GALNT2: variants seen among roughly 807,000 people sequenced by gnomAD.
GALNT2 encodes polypeptide N-acetylgalactosaminyltransferase 2.
A neutral mutation model predicts 81.4 loss-of-function variants in GALNT2; 31 were observed. That is an observed-to-expected ratio of 0.38 (90% CI 0.29 to 0.51). The LOEUF (loss-of-function observed/expected upper bound fraction) is 0.51, where lower values mean the gene tolerates loss of function less well. Ranked by LOEUF, GALNT2 falls within the 20% of genes least tolerant of loss-of-function variation. GALNT2 has a pLI of 0.87. For missense variants in GALNT2, 629 were observed against 765.7 expected (o/e 0.82, Z 2.11); for synonymous variants, 303 against 287.4 (o/e 1.05, Z -0.55).
intron 1 of GALNT2, among the ~76,000 whole-genome samples, chr1:230,113,738 G>A (rs1374240301): frequency 6.6e-6 from 1 of 152,154 alleles, no homozygotes; most frequent in Non-Finnish European, 1.5e-5. Flanking sequence ...AGCCCAGGGA[G>A]TGTTGGCAGC....
intron 3 of GALNT2, among the ~76,000 whole-genome samples, chr1:230,205,609 G>A (rs1203432345): frequency 6.6e-6 from 1 of 152,158 alleles, no homozygotes. Flanking sequence ...GTGACAACCT[G>A]GGGTCCAAGG....
Position 230,193,580 on chromosome 1 carries a change from C to G in GALNT2, c.221-9557C>G, listed in dbSNP as rs970157495. ...TTTGAAGGGTCAGTTTTATAGGTTTCTGTCATCTTTTTTTTTTCAAATATA... is the reference window on the plus strand; with the variant it reads ...TTTGAAGGGTCAGTTTTATAGGTTTGTGTCATCTTTTTTTTTTCAAATATA... On this transcript the variant is annotated intron_variant, in intron 2 of 15. Coordinates refer to ENST00000366672, the MANE Select transcript of GALNT2 (RefSeq NM_004481.5). The surrounding 1 kb of genome is among the most constrained non-coding windows in gnomAD (Gnocchi z 4.3). 6.9e-6 allele frequency among the ~76,000 whole-genome samples: 1 copy of G among 144,908 alleles called. No individual in the cohort carries two copies. The highest frequency in any genetic ancestry group is 2.6e-5 in the African/African-American group (1 of 38,978).
intron 1 of GALNT2, among the ~76,000 whole-genome samples, chr1:230,092,933 C>G (rs1327244276): frequency 6.6e-6 from 1 of 152,086 alleles, no homozygotes; most frequent in Non-Finnish European, 1.5e-5. Flanking sequence ...GAACACCCAC[C>G]CCCATGGAGC....
At chr1:230,204,629 A>T (rs1664006753) in intron 3 of GALNT2, among the ~76,000 whole-genome samples, 2 of 152,212 alleles carry the variant, frequency 1.3e-5, no homozygotes, top group African/African-American at 2.4e-5. Flanking sequence ...AAGTTTGCTG[A>T]TAAGAACCTT....
chr1:230,239,142 C>T lies in GALNT2; in HGVS notation c.607+2417C>T, dbSNP rs76046005. Among the ~76,000 whole-genome samples the T allele has an allele frequency of 1.3e-3, 196 of 152,038 alleles. 6 individuals carry two copies. In the East Asian group the frequency reaches 0.034, roughly 27 times the overall value. On this transcript the variant is annotated intron_variant, in intron 6 of 15. Transcript: ENST00000366672. ...TATTGTCTCTTTTTTTACTGTTTGTCGGATTAGTATTACTATTTTATTGAT... is the reference window on the plus strand; with the variant it reads ...TATTGTCTCTTTTTTTACTGTTTGTTGGATTAGTATTACTATTTTATTGAT...
chr1:230,059,546 G>A (rs1330749828), intron 1 of GALNT2, among the ~76,000 whole-genome samples: 1 of 152,216 alleles, frequency 6.6e-6, no homozygotes, highest in Non-Finnish European at 1.5e-5. Flanking sequence ...AGCCGTCTAG[G>A]GAAGCAAGTT....
intron 1 of GALNT2, among the ~76,000 whole-genome samples, chr1:230,121,322 G>T (rs1661009239): frequency 6.6e-6 from 1 of 152,230 alleles, no homozygotes; most frequent in Non-Finnish European, 1.5e-5. Flanking sequence ...TCCCGTGGCG[G>T]GCGGTGGGGC....
rs149778445 is a variant in GALNT2, at chr1:230,262,346, A to T, written c.1137-227A>T. 9.2e-4 allele frequency: 462 copies of T among 499,714 alleles called. 2 individuals are homozygous for T. The highest frequency in any genetic ancestry group is 8.1e-3 in the African/African-American group (418 of 51,494). The allele number at this position is 499,714 out of a possible 1,614,324, so 31.0% of individuals were successfully genotyped here. On this transcript the variant is annotated intron_variant, in intron 11 of 15. Transcript: ENST00000366672. ...CCCTTTGACCATCTGTGTGACAAGA[A>T]AGCCATTCCAATGGTTCAGTAAGCA...
intron 1 of GALNT2, among the ~76,000 whole-genome samples, chr1:230,154,427 G>T (rs1276650293): frequency 6.6e-6 from 1 of 152,214 alleles, no homozygotes; most frequent in Non-Finnish European, 1.5e-5. Context: ...ACAGGTGAGA[G>T]ATCTCTGGAC....
intron 3 of GALNT2, among the ~76,000 whole-genome samples, chr1:230,228,204 A>G (rs7531956): frequency 0.11 from 16,554 of 152,272 alleles, 1,860 homozygotes; most frequent in East Asian, 0.57. Context: ...TAAAATATCC[A>G]GTATTGTAGA....
At chr1:230,155,095 G>A (rs1007621476) in intron 1 of GALNT2, among the ~76,000 whole-genome samples, 5 of 152,142 alleles carry the variant, frequency 3.3e-5, no homozygotes, top group Admixed American at 6.5e-5. Flanking sequence ...GCTGCCCCGC[G>A]CCGCATGCAC....
In GALNT2 at chr1:230,279,268, G is replaced by C. The variant is rs377714553; in HGVS notation, c.1561-35G>C. On this transcript the variant is annotated intron_variant, in intron 15 of 15. Transcript: ENST00000366672. This position sits in a 1 kb window ranked among gnomAD's most constrained non-coding sequence, Gnocchi z 4.6. ...AATCTGTTTGTACTCCTTTGCTTGT[G>C]CCCACACTCTAAGGCACTCTCCTGT... The C allele has an allele frequency of 6.3e-7, 1 of 1,594,220 alleles. No homozygotes were observed. Among genetic ancestry groups the C allele is most frequent in the South Asian group, 1.1e-5 (1 of 89,136 alleles).
chr1:230,196,642 G>T (rs1663704688), intron 2 of GALNT2, among the ~76,000 whole-genome samples: 1 of 152,136 alleles, frequency 6.6e-6, no homozygotes, highest in Admixed American at 6.5e-5. Context: ...TCCACCTGGG[G>T]ACACAGGCTT....
intron 1 of GALNT2, among the ~76,000 whole-genome samples, chr1:230,160,675 C>T (rs1441687602): frequency 6.6e-6 from 1 of 151,392 alleles, no homozygotes; most frequent in African/African-American, 2.4e-5. Context: ...CATGGTCCCA[C>T]TGCACTCCAG....
intron 7 of GALNT2, among the ~76,000 whole-genome samples, chr1:230,244,674 T>G (rs898662606): frequency 2.6e-5 from 4 of 152,170 alleles, no homozygotes; most frequent in African/African-American, 9.7e-5. Context: ...CCTATTAACT[T>G]TCACTAAATT....
intron 14 of GALNT2, among the ~76,000 whole-genome samples, chr1:230,272,360 C>T (rs1204567886): frequency 6.6e-6 from 1 of 152,166 alleles, no homozygotes; most frequent in Non-Finnish European, 1.5e-5. Context: ...TGGAATGCTA[C>T]AGTGCACAGG....
intron 1 of GALNT2, among the ~76,000 whole-genome samples, chr1:230,158,655 C>T (rs1005405336): frequency 6.6e-6 from 1 of 152,180 alleles, no homozygotes; most frequent in Non-Finnish European, 1.5e-5. Flanking sequence ...GGCAAAGTGT[C>T]TTGTAAGTGT....
rs1237634391 is a variant in GALNT2, at chr1:230,072,618, C to A, written c.126+5212C>A. ...TTCTGGAAGCTCTGCATGGGTGATGCTGAGCCGTACAAGTCAGTGGATATC... is the reference window on the plus strand; with the variant it reads ...TTCTGGAAGCTCTGCATGGGTGATGATGAGCCGTACAAGTCAGTGGATATC... On this transcript the variant is annotated intron_variant, in intron 1 of 15. Transcript: ENST00000366672. Among the ~76,000 whole-genome samples the A allele has an allele frequency of 2.6e-5, 4 of 152,278 alleles. No homozygotes were observed. The East Asian group carries it at 7.7e-4, about 29-fold the overall frequency.
At chr1:230,172,087 CG>C (rs1414785157) in intron 1 of GALNT2, among the ~76,000 whole-genome samples, 2 of 152,208 alleles carry the variant, frequency 1.3e-5, no homozygotes, top group Non-Finnish European at 2.9e-5. Context: ...CCACCAAACC[CG>C]ATTTCACGTG....
Sources: allele counts gnomAD v4.1 joint callset (sites outside exome capture counted in the v4.1 genomes callset), GRCh38; gene constraint gnomAD v4.1.1; non-coding constraint Gnocchi (gnomAD v3.1); transcripts MANE v1.5; gene names NCBI Gene and HGNC (gene_info 2026-07-23, HGNC 2026-07-21).